SLC38A6: variants seen among roughly 807,000 people sequenced by gnomAD.
SLC38A6 encodes the protein N system amino acid transporter NAT-1.
In SLC38A6, 73 loss-of-function variants were observed where a neutral mutation model predicts 65.0. That is an observed-to-expected ratio of 1.12 (90% CI 0.93 to 1.37). SLC38A6 has a LOEUF of 1.37. Ranked by LOEUF, SLC38A6 falls within the 40% of genes most tolerant of loss-of-function variation. The pLI is 0.00. For synonymous variants in SLC38A6, 183 were observed against 178.8 expected, an observed-to-expected ratio of 1.02 and a Z score of -0.19; for missense variants, 561 against 531.1, an observed-to-expected ratio of 1.06 and a Z score of -0.55.
intron 8 of SLC38A6, among the ~76,000 whole-genome samples, chr14:61,041,232 T>G (rs1214248140): frequency 6.6e-6 from 1 of 152,180 alleles, no homozygotes; most frequent in African/African-American, 2.4e-5. Flanking sequence ...TAATCTTTCC[T>G]CTCTGTTGTT....
intron 3 of SLC38A6, among the ~76,000 whole-genome samples, chr14:60,999,687 A>C (rs2038564788): frequency 6.6e-6 from 1 of 152,228 alleles, no homozygotes; most frequent in Non-Finnish European, 1.5e-5. Flanking sequence ...CTCTAAATTC[A>C]GTCACATGTA....
At chr14:61,048,967 CTCT>C (rs2139843951) in intron 12 of SLC38A6, among the ~76,000 whole-genome samples, 1 of 152,296 alleles carries the variant, frequency 6.6e-6, no homozygotes, top group African/African-American at 2.4e-5. Context: ...GATTTCCTGG[CTCT>C]TCTTAGTCTC....
chr14:61,016,077 G>A (rs2039990431), intron 4 of SLC38A6, 121 bp downstream of exon 4: 1 of 624,690 alleles, frequency 1.6e-6, no homozygotes, highest in African/African-American at 1.9e-5. Flanking sequence ...GGAAACTAAA[G>A]TGAGAAAAGA....
intron 15 of SLC38A6, among the ~76,000 whole-genome samples, chr14:61,062,962 A>G (rs983974375): frequency 6.6e-6 from 1 of 152,204 alleles, no homozygotes; most frequent in African/African-American, 2.4e-5. Flanking sequence ...TACAGGCATG[A>G]GCTACCATGC....
chr14:61,011,085 A>G lies in SLC38A6; in HGVS notation c.311-4819A>G, dbSNP rs142837518. Among the ~76,000 whole-genome samples the G allele has an allele frequency of 2.9e-3, 446 of 152,236 alleles. 2 individuals are homozygous for G. The highest frequency in any genetic ancestry group is 0.011 in the African/African-American group (438 of 41,538). The stretch of plus-strand genomic sequence containing the variant: ...GAGCAGTGGTTTGTAGTTCTTGAAG[A>G]GGTCCTTCACATCCCTTCTAAGTTG... On this transcript the variant is annotated intron_variant, in intron 3 of 15. Transcript: ENST00000267488.
At chr14:60,984,189 ATTATT>A (rs147166076) in intron 2 of SLC38A6, among the ~76,000 whole-genome samples, 237 of 152,366 alleles carry the variant, frequency 1.6e-3, no homozygotes, top group Non-Finnish European at 2.3e-3. Context: ...TGTTAACTAC[ATTATT>A]TTAATTTAGT....
chr14:61,065,478 T>C (rs926431162), intron 15 of SLC38A6, among the ~76,000 whole-genome samples: 3 of 152,234 alleles, frequency 2.0e-5, no homozygotes, highest in Admixed American at 6.5e-5. Context: ...TTTTCATCTT[T>C]GCAAAATCTC....
intron 16 of SLC38A6, among the ~76,000 whole-genome samples, chr14:61,081,236 G>T (rs1371914664): frequency 6.6e-6 from 1 of 152,250 alleles, no homozygotes. Flanking sequence ...GAGCCAGGAA[G>T]TTTGATTGAA....
rs2040868180 is a variant in SLC38A6, at chr14:61,030,168, A to G, written c.404-277A>G. Among the ~76,000 whole-genome samples, 4 of 152,112 alleles carry G rather than the reference A, an allele frequency of 2.6e-5. No individual in the cohort carries two copies. In the South Asian group the frequency reaches 8.3e-4, roughly 32 times the overall value. ...CATTTAAAAGTAGCCTGTAATCAAG[A>G]CTGTTTCTCTTACCTAGTTTGCTTT... On this transcript the variant is annotated intron_variant, in intron 5 of 15. Transcript: ENST00000267488.
chr14:60,991,601 A>G (rs1397196744), intron 3 of SLC38A6, among the ~76,000 whole-genome samples: 5 of 152,002 alleles, frequency 3.3e-5, no homozygotes, highest in Admixed American at 2.6e-4. Context: ...CTGCTTCCAT[A>G]CCTTTGTGCT....
At chr14:61,024,757 T>A (rs1440900778) in intron 5 of SLC38A6, among the ~76,000 whole-genome samples, 3 of 152,206 alleles carry the variant, frequency 2.0e-5, no homozygotes, top group Non-Finnish European at 4.4e-5. Context: ...CCCAATCATC[T>A]TCTTAGTCAA....
intron 6 of SLC38A6, chr14:61,031,006 A>G (rs2040952545): frequency 6.6e-6 from 1 of 152,220 alleles, no homozygotes; most frequent in South Asian, 2.1e-4. Flanking sequence ...TTCCTATTAT[A>G]TACCATGGCA....
chr14:60,981,336 AGCCTGAAGAAGCGG>A lies in SLC38A6; in HGVS notation c.60_73del (p.Pro21GlyfsTer28). On this transcript the variant is annotated frameshift_variant, in exon 1 of 16. Coordinates refer to ENST00000267488, the MANE Select transcript of SLC38A6 (RefSeq NM_153811.3). LOFTEE classifies it high-confidence loss of function. ...CGGGGCTGGTATGTCTCTGTCCAGC[AGCCTGAAGAAGCGG>A]AGGCCGAAGAGTTGAGTCCGTTGCT... 6.2e-7 allele frequency: 1 copy of A among 1,610,680 alleles called. No homozygotes were observed. The highest frequency in any genetic ancestry group is 8.5e-7 in the Non-Finnish European group (1 of 1,178,656).
At chr14:61,026,051 G>T (rs889233928) in intron 5 of SLC38A6, among the ~76,000 whole-genome samples, 5 of 152,018 alleles carry the variant, frequency 3.3e-5, no homozygotes, top group Non-Finnish European at 2.9e-5. Context: ...AAGTAATTCT[G>T]TCCTCATACA....
intron 3 of SLC38A6, among the ~76,000 whole-genome samples, chr14:60,999,204 A>C (rs999455876): frequency 6.6e-6 from 1 of 152,200 alleles, no homozygotes; most frequent in Non-Finnish European, 1.5e-5. Context: ...TAGATACTGG[A>C]ATCCACTGTT....
chr14:61,079,527 C>G (rs1369785413), intron 16 of SLC38A6, among the ~76,000 whole-genome samples: 36 of 152,162 alleles, frequency 2.4e-4, no homozygotes. Context: ...TGTTTCCACA[C>G]TCAACCTCCT....
chr14:61,030,491 T>C lies in SLC38A6; in HGVS notation c.450T>C (p.Ala150=). The part of the protein sequence containing the change: ...LLIIKTELPA[A]IAEFLTGDYS... Reference sequence around the variant, plus strand: ...TTATTAAAACAGAGCTTCCTGCTGCTATTGCAGAATTTTTGACTGGAGACT... The same window carrying C: ...TTATTAAAACAGAGCTTCCTGCTGCCATTGCAGAATTTTTGACTGGAGACT... The change falls in exon 6 of 16, where the codon GCT becomes GCC. Residue 150 remains alanine (A), a synonymous_variant. Transcript: ENST00000267488. 5.6e-6 allele frequency: 9 copies of C among 1,611,576 alleles called. No homozygotes were observed. Among genetic ancestry groups the C allele is most frequent in the Non-Finnish European group, 7.6e-6 (9 of 1,178,806 alleles).
downstream of SLC38A6, among the ~76,000 whole-genome samples, chr14:61,057,047 C>A (rs1184902234): frequency 8.8e-6 from 1 of 113,186 alleles, no homozygotes; most frequent in Non-Finnish European, 1.9e-5. Context: ...TCTAGATAAA[C>A]AATCATGTCG....
chr14:61,050,673 A>G (rs1432095354), intron 13 of SLC38A6, 37 bp downstream of exon 13: 4 of 1,450,230 alleles, frequency 2.8e-6, no homozygotes. Context: ...CCTAGTATAG[A>G]CGCTTCCTAA....
Sources: allele counts gnomAD v4.1 joint callset (sites outside exome capture counted in the v4.1 genomes callset), GRCh38; gene constraint gnomAD v4.1.1; transcripts MANE v1.5; gene names NCBI Gene and HGNC (gene_info 2026-07-23, HGNC 2026-07-21).